Variants in AKAP10 observed in about 807,000 individuals in gnomAD.
The protein encoded by AKAP10 is A-kinase anchor protein 10, mitochondrial.
A neutral mutation model predicts 80.8 loss-of-function variants in AKAP10; 24 were observed. That is an observed-to-expected ratio of 0.30 (90% CI 0.22 to 0.42). The LOEUF (loss-of-function observed/expected upper bound fraction) is 0.42. Among genes scored for constraint, AKAP10 ranks in the 10% least tolerant of loss-of-function variants. AKAP10 has a pLI of 1.00. For synonymous variants in AKAP10, 291 were observed against 277.7 expected (o/e 1.05, Z -0.48); for missense variants, 661 against 794.9 (o/e 0.83, Z 2.03).
chr17:19,911,890 G>C (rs1356764126), intron 12 of AKAP10, among the ~76,000 whole-genome samples: 1 of 129,868 alleles, frequency 7.7e-6, no homozygotes, highest in East Asian at 2.7e-4. Flanking sequence ...ATGTCTACAT[G>C]ATGGGAGTCA....
chr17:19,931,201 T>C (rs1311606235), intron 10 of AKAP10, among the ~76,000 whole-genome samples: 1 of 152,112 alleles, frequency 6.6e-6, no homozygotes, highest in African/African-American at 2.4e-5. Context: ...CCTAAATAAA[T>C]ACTTACATAA....
chr17:19,955,885 A>T (rs1024105429), intron 4 of AKAP10, among the ~76,000 whole-genome samples: 5 of 152,132 alleles, frequency 3.3e-5, no homozygotes, highest in Non-Finnish European at 7.4e-5. Context: ...TTCCAGAAAC[A>T]GGTTAGAAAC....
chr17:19,957,986 T>C, intron 4 of AKAP10, 28 bp downstream of exon 4: 2 of 1,577,188 alleles, frequency 1.3e-6, no homozygotes, highest in East Asian at 2.2e-5. Context: ...GAGACACATA[T>C]GTACACACAA....
intron 3 of AKAP10, among the ~76,000 whole-genome samples, chr17:19,960,026 C>T (rs2043329437): frequency 1.3e-5 from 2 of 152,156 alleles, no homozygotes; most frequent in African/African-American, 2.4e-5. Context: ...GCAGGCGGAT[C>T]ACTAGAGCCC....
chr17:19,937,118 G>C (rs78709546), intron 8 of AKAP10, among the ~76,000 whole-genome samples: 3 of 151,658 alleles, frequency 2.0e-5, no homozygotes, highest in Non-Finnish European at 4.4e-5. Context: ...AAAAAAAAAG[G>C]CTCTCTTCCA....
Position 19,931,725 on chromosome 17 carries a change from A to T in AKAP10, c.1641+80T>A, listed in dbSNP as rs557752377. On this transcript the variant is annotated intron_variant, in intron 10 of 14. Transcript: ENST00000225737. ...TTTTTCCACAACTTAAAATTTACAA[A>T]TAATAGGATCTGTTACTGGGATGTG... is the stretch of plus-strand genomic sequence containing the variant. The T allele has an allele frequency of 2.1e-6, 3 of 1,450,418 alleles. No homozygotes were observed. The South Asian group carries it at 4.0e-5, about 20-fold the overall frequency. 89.8% of individuals were successfully genotyped at this position (1,450,418 alleles called of 1,614,324 possible). A position where few individuals can be genotyped will look rare whatever the true frequency, so the allele number is the denominator to read the frequency against.
intron 1 of AKAP10, among the ~76,000 whole-genome samples, chr17:19,972,029 C>G (rs747774541): frequency 2.0e-4 from 31 of 152,146 alleles, no homozygotes; most frequent in Non-Finnish European, 4.1e-4. Flanking sequence ...TTGCTTGAAC[C>G]CAGGAGGCAG....
Position 19,939,626 on chromosome 17 carries a change from G to C in AKAP10, c.1322+87C>G, listed in dbSNP as rs1467689646. ...GCCTCCTGTGAGCTCCTTGACAACA[G>C]AGACTGAGTTTATTCATCTTTATTT... On this transcript the variant is annotated intron_variant, in intron 8 of 14. Transcript: ENST00000225737. The C allele has an allele frequency of 1.5e-5, 22 of 1,472,384 alleles. No individual in the cohort carries two copies. In the South Asian group the frequency reaches 2.7e-4, roughly 18 times the overall value. 91.2% of individuals were successfully genotyped at this position (1,472,384 alleles called of 1,614,324 possible). A position where few individuals can be genotyped will look rare whatever the true frequency, so the allele number is the denominator to read the frequency against.
At chr17:19,973,183 T>A (rs770148188) in intron 1 of AKAP10, among the ~76,000 whole-genome samples, 1 of 152,198 alleles carries the variant, frequency 6.6e-6, no homozygotes, top group Non-Finnish European at 1.5e-5. Flanking sequence ...TTTCACCATG[T>A]TGGCCAGGCT....
chr17:19,951,262 C>G (rs1269279524), intron 4 of AKAP10, among the ~76,000 whole-genome samples: 1 of 141,494 alleles, frequency 7.1e-6, no homozygotes, highest in African/African-American at 2.5e-5. Context: ...CCAGCCGCCC[C>G]ATCCGGGAGG....
chr17:19,926,506 T>A (rs1462067949), intron 10 of AKAP10, among the ~76,000 whole-genome samples: 1 of 152,166 alleles, frequency 6.6e-6, no homozygotes, highest in Non-Finnish European at 1.5e-5. Context: ...AATGACATGA[T>A]CTTATATATT....
chr17:19,950,782 G>A (rs995434392), intron 4 of AKAP10, among the ~76,000 whole-genome samples: 1 of 152,020 alleles, frequency 6.6e-6, no homozygotes, highest in African/African-American at 2.4e-5. Flanking sequence ...CGTCTGGGAT[G>A]TGAGGAGCCC....
At chr17:19,925,283 C>G (rs2042864394) in intron 10 of AKAP10, among the ~76,000 whole-genome samples, 1 of 152,158 alleles carries the variant, frequency 6.6e-6, no homozygotes, top group Non-Finnish European at 1.5e-5. Context: ...ATATGAAAAG[C>G]TGTCATACAT....
intron 12 of AKAP10, among the ~76,000 whole-genome samples, chr17:19,913,052 G>A (rs753442195): frequency 2.0e-5 from 3 of 149,428 alleles, no homozygotes; most frequent in South Asian, 2.1e-4. Flanking sequence ...TTATCAGCCC[G>A]CTGCAAACTC....
intron 14 of AKAP10, 149 bp downstream of exon 14, chr17:19,909,032 A>G (rs2042662214): frequency 1.6e-6 from 1 of 625,864 alleles, no homozygotes; most frequent in South Asian, 2.2e-5. Flanking sequence ...TGTTTCATTT[A>G]GTTTGTCAAT....
rs563223111 is a variant in AKAP10, at chr17:19,931,902, T to C, written c.1544A>G (p.Asp515Gly). ...CGACACGTTCCCGCCCAGAAATTCA[T>C]CTCCTCGAACCGAATGGATGAGATC... ...LNDLIHSVRG[D>G]EFLGGNVSLT... Residue 515 changes from aspartate to glycine, a missense_variant, in exon 10 of 15, where the codon GAT (aspartate) becomes GGT (glycine). Transcript: ENST00000225737. 2 of 1,613,924 alleles carry C rather than the reference T, an allele frequency of 1.2e-6. No individual in the cohort carries two copies. Among genetic ancestry groups the C allele is most frequent in the Admixed American group, 1.7e-5 (1 of 59,968 alleles).
intron 5 of AKAP10, 124 bp downstream of exon 5, chr17:19,947,283 C>T (rs2043145243): frequency 1.3e-6 from 1 of 749,892 alleles, no homozygotes; most frequent in Non-Finnish European, 2.2e-6. Context: ...ACTCAGAAAA[C>T]AAATTAGGAA....
intron 12 of AKAP10, among the ~76,000 whole-genome samples, chr17:19,915,446 G>A (rs1185075372): frequency 2.6e-5 from 4 of 152,176 alleles, no homozygotes; most frequent in South Asian, 2.1e-4. Context: ...TTGGCATTCA[G>A]CATAGTGCCT....
At chr17:19,943,873 A>G (rs1299706118) in intron 5 of AKAP10, among the ~76,000 whole-genome samples, 4 of 152,192 alleles carry the variant, frequency 2.6e-5, no homozygotes, top group Non-Finnish European at 4.4e-5. Context: ...GAGGACACCC[A>G]GTTGGTGTTC....
Sources: allele counts gnomAD v4.1 joint callset (sites outside exome capture counted in the v4.1 genomes callset), GRCh38; gene constraint gnomAD v4.1.1; transcripts MANE v1.5; gene names NCBI Gene and HGNC (gene_info 2026-07-23, HGNC 2026-07-21).